The following CCSER1 variants were observed in gnomAD, a reference collection of about 807,000 sequenced individuals.
The protein encoded by CCSER1 is coiled-coil serine rich protein 1.
CCSER1 carries 41 observed loss-of-function variants against 82.0 expected under a neutral mutation model. The ratio of observed to expected loss-of-function variants is 0.50; its 90% confidence interval spans 0.39 to 0.65. The LOEUF (loss-of-function observed/expected upper bound fraction) is 0.65. Among genes scored for constraint, CCSER1 ranks in the 30% least tolerant of loss-of-function variants. The pLI is 0.00. For missense variants in CCSER1, 1,119 were observed against 1,064.2 expected (o/e 1.05, Z -0.72); for synonymous variants, 414 against 383.9 (o/e 1.08, Z -0.92).
intron 1 of CCSER1, among the ~76,000 whole-genome samples, chr4:90,190,957 G>T (rs1028180326): frequency 1.6e-4 from 24 of 151,916 alleles, no homozygotes; most frequent in Non-Finnish European, 2.9e-4. Flanking sequence ...ACACAAATTG[G>T]AAAAGAGCTT....
At chr4:91,577,762 G>A (rs111447665) in intron 10 of CCSER1, among the ~76,000 whole-genome samples, 146 of 152,032 alleles carry the variant, frequency 9.6e-4, no homozygotes, top group African/African-American at 3.3e-3. Flanking sequence ...GGATATATTG[G>A]TTTCAATCGT....
chr4:90,357,113 T>C (rs937605997), intron 3 of CCSER1, among the ~76,000 whole-genome samples: 21 of 152,082 alleles, frequency 1.4e-4, no homozygotes, highest in African/African-American at 5.1e-4. Context: ...TTGGCCTTTT[T>C]ATCATGCAAC....
At chr4:90,407,288 T>C (rs371123674) in intron 4 of CCSER1, among the ~76,000 whole-genome samples, 40 of 152,260 alleles carry the variant, frequency 2.6e-4, no homozygotes, top group African/African-American at 9.4e-4. Context: ...TATATGACCC[T>C]CGTAGATTAA....
chr4:90,291,547 T>C (rs1038249196), intron 1 of CCSER1, among the ~76,000 whole-genome samples: 3 of 152,158 alleles, frequency 2.0e-5, no homozygotes, highest in African/African-American at 7.2e-5. Flanking sequence ...AAACCCAATA[T>C]AGTTTAGTCA....
At chr4:91,551,932 A>G (rs1212518786) in intron 10 of CCSER1, among the ~76,000 whole-genome samples, 1 of 151,780 alleles carries the variant, frequency 6.6e-6, no homozygotes, top group Non-Finnish European at 1.5e-5. Flanking sequence ...TTGAGCTTAA[A>G]GTAGAGGCAA....
intron 10 of CCSER1, among the ~76,000 whole-genome samples, chr4:91,563,460 GAA>G (rs1351250055): frequency 6.6e-6 from 1 of 151,428 alleles, no homozygotes; most frequent in Non-Finnish European, 1.5e-5. Flanking sequence ...AAAAGCATTT[GAA>G]AAAAAGTCAA....
At chr4:91,104,388 G>A (rs560392982) in intron 10 of CCSER1, among the ~76,000 whole-genome samples, 53 of 152,136 alleles carry the variant, frequency 3.5e-4, no homozygotes, top group African/African-American at 8.4e-4. Flanking sequence ...TGGGCATCAC[G>A]GTCCTACCGA....
At chr4:90,720,895 CT>C (rs2149363526) in intron 6 of CCSER1, among the ~76,000 whole-genome samples, 1 of 152,052 alleles carries the variant, frequency 6.6e-6, no homozygotes, top group Non-Finnish European at 1.5e-5. Flanking sequence ...TTCAATTTCT[CT>C]GCTTTTTTAG....
At chr4:90,916,350 T>A (rs1412763187) in intron 8 of CCSER1, among the ~76,000 whole-genome samples, 4 of 151,808 alleles carry the variant, frequency 2.6e-5, no homozygotes, top group African/African-American at 7.3e-5. Context: ...AGCCCTCAGA[T>A]ATAATGCCAC....
chr4:91,185,621 C>T (rs1432150453), intron 10 of CCSER1, among the ~76,000 whole-genome samples: 1 of 152,202 alleles, frequency 6.6e-6, no homozygotes, highest in African/African-American at 2.4e-5. Flanking sequence ...AGGACAGGCC[C>T]CTCATGGCAT....
At chr4:90,761,885 A>G (rs1312501995) in intron 7 of CCSER1, among the ~76,000 whole-genome samples, 4 of 152,180 alleles carry the variant, frequency 2.6e-5, no homozygotes, top group Non-Finnish European at 5.9e-5. Context: ...CACCAAGAGC[A>G]TCAGCTGATT....
intron 6 of CCSER1, among the ~76,000 whole-genome samples, chr4:90,663,090 GA>G (rs1731117058): frequency 6.6e-6 from 1 of 152,086 alleles, no homozygotes; most frequent in Non-Finnish European, 1.5e-5. Context: ...TTATCAGGAA[GA>G]TAAAATAACT....
chr4:90,721,290 C>G (rs1742632566), intron 6 of CCSER1, among the ~76,000 whole-genome samples: 3 of 151,782 alleles, frequency 2.0e-5, no homozygotes, highest in Admixed American at 2.0e-4. Context: ...GTTGGACTTA[C>G]AACCAAAAAC....
chr4:90,271,863 T>TATGTATATATATATA (rs61116868), intron 1 of CCSER1, among the ~76,000 whole-genome samples: 1 of 19,780 alleles, frequency 5.1e-5, no homozygotes, highest in South Asian at 2.6e-3. Context: ...TATATATATA[T>TATGTATATATATATA]TTTTTTTTTT....
intron 9 of CCSER1, among the ~76,000 whole-genome samples, chr4:91,061,196 A>T (rs1392053687): frequency 6.6e-6 from 1 of 151,974 alleles, no homozygotes; most frequent in African/African-American, 2.4e-5. Flanking sequence ...ATCCTTAGGG[A>T]TCATATAGTA....
intron 5 of CCSER1, among the ~76,000 whole-genome samples, chr4:90,565,626 T>C (rs1420329009): frequency 1.3e-5 from 2 of 152,212 alleles, no homozygotes; most frequent in East Asian, 3.8e-4. Context: ...TCCCTGTTAA[T>C]TATGTTAGCT....
intron 9 of CCSER1, among the ~76,000 whole-genome samples, chr4:91,001,680 A>G (rs1561460963): frequency 6.6e-6 from 1 of 152,088 alleles, no homozygotes; most frequent in African/African-American, 2.4e-5. Context: ...AGAGCAACAG[A>G]TAGTTGGTTG....
chr4:90,212,844 G>T (rs755264301), intron 1 of CCSER1, among the ~76,000 whole-genome samples: 2 of 152,146 alleles, frequency 1.3e-5, no homozygotes, highest in African/African-American at 2.4e-5. Context: ...TTTGTGGGAA[G>T]AATATTTTAG....
chr4:90,330,782 G>A (rs1169376810), intron 3 of CCSER1, among the ~76,000 whole-genome samples: 1 of 152,142 alleles, frequency 6.6e-6, no homozygotes, highest in African/African-American at 2.4e-5. Flanking sequence ...TACGCTGCTG[G>A]AAGCCTGTAA....
Sources: gnomAD v4.1 joint callset for allele counts (sites outside exome capture counted in the v4.1 genomes callset) on GRCh38, gnomAD v4.1.1 for gene constraint, MANE v1.5 for transcripts, NCBI Gene and HGNC (gene_info 2026-07-23, HGNC 2026-07-21) for gene names.